Variants in SULT2A1 observed in about 807,000 individuals in gnomAD.
SULT2A1 encodes the protein sulfotransferase family 2A member 1, also known as sulfotransferase 2A1.
In SULT2A1, 43 loss-of-function variants were observed where a neutral mutation model predicts 33.9. That is an observed-to-expected ratio of 1.27 (90% CI 1.00 to 1.64). The LOEUF is 1.64. SULT2A1 is among the 40% of genes most tolerant of loss of function. The pLI is 0.00. For synonymous variants in SULT2A1, 125 were observed against 113.6 expected (o/e 1.10, Z -0.64); for missense variants, 300 against 335.1 (o/e 0.90, Z 0.82).
intron 3 of SULT2A1, among the ~76,000 whole-genome samples, chr19:47,881,752 G>C (rs1968606266): frequency 6.6e-6 from 1 of 152,068 alleles, no homozygotes; most frequent in African/African-American, 2.4e-5. Context: ...AATGGCGGAA[G>C]GTCAGGATTG....
intron 4 of SULT2A1, among the ~76,000 whole-genome samples, chr19:47,876,881 T>A (rs1046041962): frequency 6.6e-6 from 1 of 150,774 alleles, no homozygotes; most frequent in Non-Finnish European, 1.5e-5. Context: ...GAGACCAGCC[T>A]GGGCAACATG....
At chr19:47,873,784 C>T (rs901563992) in intron 5 of SULT2A1, among the ~76,000 whole-genome samples, 12 of 151,796 alleles carry the variant, frequency 7.9e-5, no homozygotes, top group African/African-American at 2.2e-4. Context: ...CCACCATGCC[C>T]GGCTAATTTT....
At chr19:47,881,769 C>G (rs1968606476) in intron 3 of SULT2A1, among the ~76,000 whole-genome samples, 1 of 152,006 alleles carries the variant, frequency 6.6e-6, no homozygotes, top group African/African-American at 2.4e-5. Context: ...ATTGTGTTGT[C>G]CCGGAAGCCA....
rs62532360 is a variant in SULT2A1 at position 47,874,336 on chromosome 19, C to T, written c.745+321G>A. Among the ~76,000 whole-genome samples, 401 of 152,044 alleles carry T rather than the reference C, an allele frequency of 2.6e-3. 2 individuals are homozygous for T. Among genetic ancestry groups the T allele is most frequent in the African/African-American group, 9.4e-3 (388 of 41,486 alleles). Reference sequence around the variant, plus strand: ...TGGGCGGATCACAAGGTCAGGAGATCGAGACCAGCCTAGCTAAGATGGTGA... The same window carrying T: ...TGGGCGGATCACAAGGTCAGGAGATTGAGACCAGCCTAGCTAAGATGGTGA... On this transcript the variant is annotated intron_variant, in intron 5 of 5. Transcript: ENST00000222002.
rs780703704 is a variant in SULT2A1, at chr19:47,886,195, T to G, written c.63A>C (p.Glu21Asp). The G allele has an allele frequency of 6.2e-7, 1 of 1,614,170 alleles. No homozygotes were observed. The highest frequency in any genetic ancestry group is 8.5e-7 in the Non-Finnish European group (1 of 1,180,036). ...ACTCATCACGTACTTTTCTTAAGGT[T>G]TCGGATCTGAAACCCATAGTAGGGA... is the stretch of plus-strand genomic sequence containing the variant. Reference protein sequence around the residue: ...IAFPTMGFRSETLRKVRDEFV... With the variant: ...IAFPTMGFRSDTLRKVRDEFV... The change falls in exon 1 of 6, where the codon GAA (glutamate) becomes GAC (aspartate). Residue 21 changes from glutamate to aspartate, a missense_variant. Glu to Asp is a conservative substitution (Grantham distance 45). Transcript: ENST00000222002.
At chr19:47,872,186 G>A (rs1399498627) in intron 5 of SULT2A1, among the ~76,000 whole-genome samples, 1 of 152,150 alleles carries the variant, frequency 6.6e-6, no homozygotes, top group Non-Finnish European at 1.5e-5. Context: ...CCAAAGTGCT[G>A]GGATTACAGG....
chr19:47,884,143 T>A (rs137869338), intron 1 of SULT2A1, among the ~76,000 whole-genome samples: 1 of 147,862 alleles, frequency 6.8e-6, no homozygotes, highest in South Asian at 2.2e-4. Context: ...AAAAGTACCA[T>A]CTCAACCTTA....
At chr19:47,882,758 T>C (rs1390946779) in intron 2 of SULT2A1, among the ~76,000 whole-genome samples, 1 of 151,838 alleles carries the variant, frequency 6.6e-6, no homozygotes, top group Non-Finnish European at 1.5e-5. Context: ...CTACTAAAAA[T>C]ACAAAAATTA....
intron 4 of SULT2A1, among the ~76,000 whole-genome samples, chr19:47,875,507 G>A (rs1002444296): frequency 2.6e-5 from 4 of 151,674 alleles, no homozygotes; most frequent in South Asian, 4.2e-4. Flanking sequence ...GCATGGTGGC[G>A]CACAGCTGTG....
At chr19:47,873,239 G>A (rs1968509636) in intron 5 of SULT2A1, among the ~76,000 whole-genome samples, 1 of 152,004 alleles carries the variant, frequency 6.6e-6, no homozygotes, top group South Asian at 2.1e-4. Flanking sequence ...GCAGGATCTC[G>A]GCTCACTGCA....
rs760732288 is a variant in SULT2A1 at position 47,874,835 on chromosome 19, C to G, written c.568-1G>C. 2 of 1,610,156 alleles carry G rather than the reference C, an allele frequency of 1.2e-6. No homozygotes were observed. The highest frequency in any genetic ancestry group is 1.7e-4 in the Middle Eastern group (1 of 6,036). On this transcript the variant is annotated splice_acceptor_variant, in intron 4 of 5. Transcript: ENST00000222002. LOFTEE classifies it high-confidence loss of function. ...TCTTCTCTATGGTTCTTCCTGTGTC[C>G]TAAAAAAGAAAAATCAAGAGAGAGG...
At chr19:47,877,305 C>T (rs373855153) in intron 4 of SULT2A1, among the ~76,000 whole-genome samples, 12 of 149,822 alleles carry the variant, frequency 8.0e-5, no homozygotes, top group East Asian at 2.0e-4. Flanking sequence ...GGCATGATCT[C>T]GGCTCACTGC....
intron 2 of SULT2A1, among the ~76,000 whole-genome samples, chr19:47,883,214 C>T (rs1600040468): frequency 1.3e-5 from 2 of 151,920 alleles, no homozygotes; most frequent in African/African-American, 2.4e-5. Flanking sequence ...TGGCAGGAGG[C>T]ATTTGTTGAA....
In SULT2A1 at chr19:47,881,890, T is replaced by C. The variant is rs185711313; in HGVS notation, c.472+194A>G. 1.3e-3 allele frequency among the ~76,000 whole-genome samples: 192 copies of C among 152,098 alleles called. 1 individual carries two copies. Among genetic ancestry groups the C allele is most frequent in the Non-Finnish European group, 2.2e-3 (147 of 68,004 alleles). On this transcript the variant is annotated intron_variant, in intron 3 of 5. Transcript: ENST00000222002. ...CTTAGAAAATAGCTAGGATGGTTTA[T>C]CATGGGGCAAGCTGAGGGGCCGGCT...
chr19:47,872,808 G>C (rs560531781), intron 5 of SULT2A1, among the ~76,000 whole-genome samples: 1 of 150,966 alleles, frequency 6.6e-6, no homozygotes, highest in South Asian at 2.1e-4. Flanking sequence ...TCCCAGGCAG[G>C]AGTACAGTGT....
chr19:47,883,740 C>T lies in SULT2A1; in HGVS notation c.182G>A (p.Gly61Glu). ...AEILCLMHSKGDAKWIQSVPI... is the reference protein window; with the variant it reads ...AEILCLMHSKEDAKWIQSVPI... ...CACAGATTGGATCCACTTGGCATCCCCCTTGGAGTGCATCAGGCAGAGAAT... is the reference window on the plus strand; with the variant it reads ...CACAGATTGGATCCACTTGGCATCCTCCTTGGAGTGCATCAGGCAGAGAAT... Residue 61 changes from glycine (G) to glutamate (E), a missense_variant, in exon 2 of 6, where the codon GGG becomes GAG. Transcript: ENST00000222002. 6.2e-7 allele frequency: 1 copy of T among 1,614,068 alleles called. No homozygotes were observed. Among genetic ancestry groups the T allele is most frequent in the South Asian group, 1.1e-5 (1 of 91,080 alleles).
chr19:47,872,197 C>A (rs546757203), intron 5 of SULT2A1, among the ~76,000 whole-genome samples: 1 of 152,170 alleles, frequency 6.6e-6, no homozygotes, highest in South Asian at 2.1e-4. Flanking sequence ...GGATTACAGG[C>A]GTGAGCCACC....
intron 4 of SULT2A1, among the ~76,000 whole-genome samples, chr19:47,876,195 TA>T: frequency 6.6e-6 from 1 of 152,048 alleles, no homozygotes; most frequent in Admixed American, 6.6e-5. Flanking sequence ...TACGTATTTT[TA>T]GTAGAGAGGG....
At chr19:47,884,657 T>A (rs1276008288) in intron 1 of SULT2A1, among the ~76,000 whole-genome samples, 9 of 151,870 alleles carry the variant, frequency 5.9e-5, no homozygotes, top group Non-Finnish European at 1.3e-4. Flanking sequence ...GCTGGGCTAA[T>A]TTTTTGAAAA....
Sources: allele counts gnomAD v4.1 joint callset (sites outside exome capture counted in the v4.1 genomes callset), GRCh38; gene constraint gnomAD v4.1.1; transcripts MANE v1.5; gene names NCBI Gene and HGNC (gene_info 2026-07-23, HGNC 2026-07-21).